Variants in MYRIP observed in about 807,000 individuals in gnomAD.
The protein encoded by MYRIP is myosin VIIA and Rab interacting protein.
Under a neutral mutation model 98.0 loss-of-function variants are expected in MYRIP, and 49 were observed. The ratio of observed to expected loss-of-function variants is 0.50; its 90% CI spans 0.40 to 0.63. The LOEUF (loss-of-function observed/expected upper bound fraction) is 0.63. Among genes scored for constraint, MYRIP ranks in the 30% least tolerant of loss-of-function variants. MYRIP has a pLI of 0.00. For missense variants in MYRIP, 1,004 were observed against 1,058.2 expected, an observed-to-expected ratio of 0.95 and a Z score of 0.71; for synonymous variants, 404 against 409.5, an observed-to-expected ratio of 0.99 and a Z score of 0.16.
At chr3:39,905,936 C>T (rs1477372599) in intron 2 of MYRIP, among the ~76,000 whole-genome samples, 1 of 152,062 alleles carries the variant, frequency 6.6e-6, no homozygotes, top group South Asian at 2.1e-4. Context: ...CTTTGTCTGT[C>T]ATCTGGAATC....
chr3:39,977,784 C>G (rs113485073), intron 2 of MYRIP, among the ~76,000 whole-genome samples: 87 of 152,256 alleles, frequency 5.7e-4, no homozygotes, highest in South Asian at 2.3e-3. Flanking sequence ...GTAATTTCTT[C>G]AGACCCAACC....
rs1040437297 is a variant in MYRIP, at chr3:40,025,946, G to A, written c.111-18104G>A. On this transcript the variant is annotated intron_variant, in intron 2 of 16. Coordinates refer to ENST00000302541, the MANE Select transcript of MYRIP (RefSeq NM_015460.4). ...TGAGGGTCTATGTTCAGCTGTGCACGTATTGTCTTGATAAACACCCTAAAC... is the reference window on the plus strand; with the variant it reads ...TGAGGGTCTATGTTCAGCTGTGCACATATTGTCTTGATAAACACCCTAAAC... Among the ~76,000 whole-genome samples, 7 of 152,112 alleles carry A rather than the reference G, an allele frequency of 4.6e-5. No homozygotes were observed. In the South Asian group the frequency reaches 6.2e-4, roughly 14 times the overall value.
chr3:40,062,684 T>C (rs1345231391), intron 3 of MYRIP, among the ~76,000 whole-genome samples: 10 of 152,180 alleles, frequency 6.6e-5, no homozygotes, highest in Non-Finnish European at 5.9e-5. Flanking sequence ...TCAGGATGGG[T>C]CTTCAAAAAT....
chr3:39,867,039 C>T (rs1296180827), intron 1 of MYRIP, among the ~76,000 whole-genome samples: 3 of 152,086 alleles, frequency 2.0e-5, no homozygotes, highest in Admixed American at 6.6e-5. Flanking sequence ...ATATAGATAA[C>T]TAATACCTAA....
At chr3:39,843,983 C>T (rs1343822760) in intron 1 of MYRIP, among the ~76,000 whole-genome samples, 1 of 152,182 alleles carries the variant, frequency 6.6e-6, no homozygotes, top group African/African-American at 2.4e-5. Context: ...ACTCATTGAA[C>T]AAGCACTGGG....
chr3:40,227,600 CAA>C (rs1559465499), intron 11 of MYRIP, among the ~76,000 whole-genome samples: 2 of 152,084 alleles, frequency 1.3e-5, no homozygotes, highest in African/African-American at 2.4e-5. Flanking sequence ...AAACAAGAAA[CAA>C]AGAGCAGCAA....
At chr3:39,939,422 T>TA (rs1944729651) in intron 2 of MYRIP, among the ~76,000 whole-genome samples, 3 of 151,926 alleles carry the variant, frequency 2.0e-5, no homozygotes, top group Admixed American at 6.6e-5. Flanking sequence ...TCCATGCAGT[T>TA]AAAAAAATAA....
intron 8 of MYRIP, 117 bp from the exon 9 acceptor site, chr3:40,182,103 A>T (rs1278268950): frequency 8.7e-7 from 1 of 1,143,314 alleles, no homozygotes; most frequent in African/African-American, 1.6e-5. Flanking sequence ...GAAAAGAGCC[A>T]TTACCATTAA....
chr3:39,978,576 A>G (rs970289170), intron 2 of MYRIP, among the ~76,000 whole-genome samples: 11 of 152,232 alleles, frequency 7.2e-5, no homozygotes, highest in Admixed American at 6.5e-4. Context: ...TAATTCCTCA[A>G]TGCCATATGT....
intron 2 of MYRIP, among the ~76,000 whole-genome samples, chr3:39,950,690 A>G (rs1944990298): frequency 6.6e-6 from 1 of 152,198 alleles, no homozygotes; most frequent in South Asian, 2.1e-4. Flanking sequence ...GAACATGAGT[A>G]GAAGCTGCTG....
At chr3:40,081,667 CA>C (rs1459905302) in intron 3 of MYRIP, among the ~76,000 whole-genome samples, 51 of 152,214 alleles carry the variant, frequency 3.4e-4, no homozygotes, top group African/African-American at 1.1e-3. Context: ...CATTACCTCA[CA>C]TACCACTTTT....
At chr3:40,073,483 T>C (rs1002006393) in intron 3 of MYRIP, among the ~76,000 whole-genome samples, 3 of 152,250 alleles carry the variant, frequency 2.0e-5, no homozygotes, top group African/African-American at 7.2e-5. Flanking sequence ...CTGCCGAAGT[T>C]TGTAGGATTC....
At chr3:39,843,377 CAAGA>C (rs1941862692) in intron 1 of MYRIP, among the ~76,000 whole-genome samples, 2 of 151,782 alleles carry the variant, frequency 1.3e-5, no homozygotes, top group Admixed American at 6.6e-5. Flanking sequence ...CGAAAAAAGA[CAAGA>C]AAGAAAAAGA....
At chr3:39,910,624 T>C (rs1280572971) in intron 2 of MYRIP, among the ~76,000 whole-genome samples, 2 of 152,220 alleles carry the variant, frequency 1.3e-5, no homozygotes, top group Non-Finnish European at 2.9e-5. Flanking sequence ...AAATGTAAAA[T>C]AGCTCAATAA....
chr3:40,153,401 G>C (rs565960296), intron 4 of MYRIP, among the ~76,000 whole-genome samples: 2 of 152,184 alleles, frequency 1.3e-5, no homozygotes, highest in Non-Finnish European at 2.9e-5. Flanking sequence ...AGACTCAAGA[G>C]TCCTTCATTA....
At chr3:39,927,510 C>T (rs927109463) in intron 2 of MYRIP, among the ~76,000 whole-genome samples, 1 of 151,940 alleles carries the variant, frequency 6.6e-6, no homozygotes, top group South Asian at 2.1e-4. Context: ...AATTGAAACT[C>T]TGATCAGAGC....
intron 1 of MYRIP, among the ~76,000 whole-genome samples, chr3:39,878,723 A>T (rs1402387353): frequency 6.6e-6 from 1 of 152,056 alleles, no homozygotes; most frequent in South Asian, 2.1e-4. Flanking sequence ...TATTTTTTGT[A>T]GCAAATTGAC....
intron 11 of MYRIP, among the ~76,000 whole-genome samples, chr3:40,222,502 T>C (rs559782253): frequency 4.1e-4 from 62 of 152,294 alleles, no homozygotes; most frequent in African/African-American, 1.4e-3. Flanking sequence ...GTAAATTTCA[T>C]GTCAGGAAGG....
chr3:40,036,324 A>AAAAAAAAAAAAAAAC (rs1553607293), intron 2 of MYRIP, among the ~76,000 whole-genome samples: 5 of 125,650 alleles, frequency 4.0e-5, no homozygotes, highest in African/African-American at 1.2e-4. Context: ...AAAAAAAAAA[A>AAAAAAAAAAAAAAAC]CTTTATTCAA....
Sources: allele counts gnomAD v4.1 joint callset (sites outside exome capture counted in the v4.1 genomes callset), GRCh38; gene constraint gnomAD v4.1.1; transcripts MANE v1.5; gene names NCBI Gene and HGNC (gene_info 2026-07-23, HGNC 2026-07-21).